ERICH3: variants seen among roughly 807,000 people sequenced by gnomAD.
ERICH3 encodes the protein glutamate rich 3, also known as glutamate-rich protein 3.
A neutral mutation model predicts 131.1 loss-of-function variants in ERICH3; 126 were observed. The observed-to-expected ratio is 0.96, with a 90% confidence interval of 0.83 to 1.11. ERICH3 has a LOEUF of 1.11. Ranked by LOEUF, ERICH3 falls within the 50% of genes most tolerant of loss-of-function variation. ERICH3 has a pLI of 0.00. For synonymous variants in ERICH3, 695 were observed against 644.6 expected, an observed-to-expected ratio of 1.08 and a Z score of -1.18; for missense variants, 2,050 against 1,810.7, an observed-to-expected ratio of 1.13 and a Z score of -2.40.
At position 74,572,627 on chromosome 1, in the gene ERICH3, T is replaced by C. The variant is rs200054958; in HGVS notation, c.3083A>G (p.Asp1028Gly). 2.7e-5 allele frequency: 43 copies of C among 1,614,016 alleles called. No homozygotes were observed. The East Asian group carries it at 9.6e-4, about 36-fold the overall frequency. Residue 1028 changes from aspartate to glycine, a missense_variant, in exon 14 of 15, where the codon GAT becomes GGT. By Grantham distance (94) the Asp-to-Gly change is moderately conservative (BLOSUM62 -1). Transcript: ENST00000326665. ...AGTCACCATCTCTTCCCCTTCCACATCTTCCTTGCAAAGGAAGGCTTCCTT... is the reference window on the plus strand; with the variant it reads ...AGTCACCATCTCTTCCCCTTCCACACCTTCCTTGCAAAGGAAGGCTTCCTT... The part of the protein sequence containing the change: ...LAKEAFLCKE[D>G]VEGEEMVTEA...
At chr1:74,620,152 A>C (rs1649151866) in intron 8 of ERICH3, among the ~76,000 whole-genome samples, 1 of 152,190 alleles carries the variant, frequency 6.6e-6, no homozygotes, top group Admixed American at 6.5e-5. Flanking sequence ...CTAAATATTG[A>C]AGAAAAACAT....
intron 7 of ERICH3, among the ~76,000 whole-genome samples, chr1:74,629,940 A>T (rs1649537108): frequency 6.6e-6 from 1 of 152,098 alleles, no homozygotes; most frequent in African/African-American, 2.4e-5. Context: ...GGGCAGGAAA[A>T]AGGGGGCTCT....
chr1:74,636,543 T>C (rs1375132290), intron 5 of ERICH3, 105 bp from the exon 6 acceptor site: 1 of 1,107,786 alleles, frequency 9.0e-7, no homozygotes, highest in East Asian at 2.4e-5. Context: ...TGGTGCCTTT[T>C]TACTGAACAG....
chr1:74,663,817 AAAT>A (rs1646664624), intron 1 of ERICH3, among the ~76,000 whole-genome samples: 1 of 152,012 alleles, frequency 6.6e-6, no homozygotes, highest in South Asian at 2.1e-4. Context: ...CTCATAAAAT[AAAT>A]AATAATTTTT....
chr1:74,630,573 G>T (rs1302539210), intron 7 of ERICH3, among the ~76,000 whole-genome samples: 1 of 152,128 alleles, frequency 6.6e-6, no homozygotes, highest in Non-Finnish European at 1.5e-5. Context: ...AAGTTGAGTT[G>T]CCTGGGGTTG....
At chr1:74,573,887 C>A (rs960096685) in intron 13 of ERICH3, among the ~76,000 whole-genome samples, 2 of 151,876 alleles carry the variant, frequency 1.3e-5, no homozygotes, top group East Asian at 3.9e-4. Context: ...CACATACATA[C>A]AAGCTTCCTT....
At chr1:74,597,695 A>G (rs1433388474) in intron 11 of ERICH3, among the ~76,000 whole-genome samples, 1 of 152,042 alleles carries the variant, frequency 6.6e-6, no homozygotes, top group East Asian at 1.9e-4. Flanking sequence ...TATTTAAAAA[A>G]TATCTTTTGA....
intron 3 of ERICH3, among the ~76,000 whole-genome samples, chr1:74,646,063 A>G (rs1188230642): frequency 6.6e-6 from 1 of 151,572 alleles, no homozygotes; most frequent in Non-Finnish European, 1.5e-5. Context: ...TTAGCTAGAT[A>G]TCCCATTAAG....
rs972810542 is a variant in ERICH3, at chr1:74,568,597, G to A, written c.*1861C>T. ...GCAGTGAGTAATATCCTTGAATAGG[G>A]AGTAGGGCAGAGGGACTTCGTGCAT... On this transcript the variant is annotated 3_prime_UTR_variant, in exon 15 of 15. Transcript: ENST00000326665. 1 of 152,154 alleles carries A rather than the reference G, an allele frequency of 6.6e-6. No individual in the cohort carries two copies. The highest frequency in any genetic ancestry group is 1.5e-5 in the Non-Finnish European group (1 of 68,010). The allele number at this position is 152,154 out of a possible 1,614,324, so 9.4% of individuals were successfully genotyped here.
intron 8 of ERICH3, among the ~76,000 whole-genome samples, chr1:74,619,691 T>A (rs1649129181): frequency 6.6e-6 from 1 of 152,184 alleles, no homozygotes; most frequent in South Asian, 2.1e-4. Context: ...AGGAATGAAC[T>A]CTGGAATGCT....
At chr1:74,641,548 A>G (rs1003298520) in intron 4 of ERICH3, 89 bp from the exon 5 acceptor site, 1 of 1,382,998 alleles carries the variant, frequency 7.2e-7, no homozygotes, top group Non-Finnish European at 9.9e-7. Flanking sequence ...CTATATGACT[A>G]AAGAAATTCT....
chr1:74,576,582 T>G (rs186257048), intron 13 of ERICH3, among the ~76,000 whole-genome samples: 20 of 152,290 alleles, frequency 1.3e-4, no homozygotes, highest in African/African-American at 4.8e-4. Context: ...GTCTTATGTC[T>G]TCTGCCATGA....
intron 1 of ERICH3, among the ~76,000 whole-genome samples, chr1:74,658,228 C>T (rs1646604096): frequency 6.6e-6 from 1 of 152,150 alleles, no homozygotes; most frequent in Non-Finnish European, 1.5e-5. Context: ...TCTGCTCTTC[C>T]TTTTCCCCTC....
Position 74,571,912 on chromosome 1 carries a change from G to T in ERICH3, c.3798C>A (p.Val1266=). Residue 1266 remains valine, a synonymous_variant, in exon 14 of 15, where the codon GTC becomes GTA. Coordinates refer to ENST00000326665, the MANE Select transcript of ERICH3 (RefSeq NM_001002912.5). ...GRAEGQGGVD[V]VLRTQEAVAE... ...CAACAGCTTCCTGGGTCCTTAGCAC[G>T]ACATCCACTCCTCCTTGCCCTTCAG... is the stretch of plus-strand genomic sequence containing the variant. The T allele has an allele frequency of 6.2e-7, 1 of 1,612,492 alleles. No individual in the cohort carries two copies. Among genetic ancestry groups the T allele is most frequent in the Non-Finnish European group, 8.5e-7 (1 of 1,179,996 alleles).
intron 1 of ERICH3, among the ~76,000 whole-genome samples, chr1:74,665,477 G>C (rs564978228): frequency 6.6e-6 from 1 of 152,300 alleles, no homozygotes; most frequent in South Asian, 2.1e-4. Flanking sequence ...GCCAAGTAAT[G>C]AAGAGCATCA....
chr1:74,673,382 G>A (rs1646759466), intron 1 of ERICH3, 115 bp downstream of exon 1: 2 of 1,279,510 alleles, frequency 1.6e-6, no homozygotes, highest in Admixed American at 4.2e-5. Context: ...CCTCTCCCCA[G>A]CCCTCCCCCT....
rs770847208 is a variant in ERICH3 at position 74,612,623 on chromosome 1, T to C, written c.1187A>G (p.Lys396Arg). 3 of 1,548,808 alleles carry C rather than the reference T, an allele frequency of 1.9e-6. No individual in the cohort carries two copies. Among genetic ancestry groups the C allele is most frequent in the Non-Finnish European group, 2.6e-6 (3 of 1,134,060 alleles). The change falls in exon 9 of 15, where the codon AAG becomes AGG. Residue 396 changes from lysine to arginine, a missense_variant and splice_region_variant. Coordinates refer to ENST00000326665, the MANE Select transcript of ERICH3 (RefSeq NM_001002912.5). ...VCVERSSPCY[K>R]CIIAMGLDKK... ...TACCAAAGGACATTTGTTTCCATACTTGTAGCAAGGAGATGATCTCTCAAC... is the reference window on the plus strand; with the variant it reads ...TACCAAAGGACATTTGTTTCCATACCTGTAGCAAGGAGATGATCTCTCAAC...
intron 4 of ERICH3, among the ~76,000 whole-genome samples, chr1:74,641,946 C>T (rs146668284): frequency 2.3e-3 from 345 of 152,200 alleles, no homozygotes; most frequent in Non-Finnish European, 4.0e-3. Flanking sequence ...CTACAATATG[C>T]CCATGTACTT....
intron 12 of ERICH3, among the ~76,000 whole-genome samples, chr1:74,587,186 G>T (rs1214690746): frequency 6.6e-6 from 1 of 151,670 alleles, no homozygotes; most frequent in Non-Finnish European, 1.5e-5. Flanking sequence ...TTAGCCAGGC[G>T]TGGTGGCGAG....
Sources: allele counts gnomAD v4.1 joint callset (sites outside exome capture counted in the v4.1 genomes callset), GRCh38; gene constraint gnomAD v4.1.1; transcripts MANE v1.5; gene names NCBI Gene and HGNC (gene_info 2026-07-23, HGNC 2026-07-21).